Variants in FRMD4B observed in about 807,000 individuals in gnomAD.
FRMD4B encodes the protein FERM domain-containing protein 4B.
FRMD4B carries 74 observed loss-of-function variants against 141.5 expected under a neutral mutation model. That is an observed-to-expected ratio of 0.52 (90% CI 0.43 to 0.63). The LOEUF is 0.63. Ranked by LOEUF, FRMD4B falls within the 30% of genes least tolerant of loss-of-function variation. The pLI, the probability that FRMD4B is intolerant of heterozygous loss-of-function variation, is 0.00. For synonymous variants in FRMD4B, 506 were observed against 467.9 expected (o/e 1.08, Z -1.05); for missense variants, 1,366 against 1,253.4 (o/e 1.09, Z -1.36).
intron 1 of FRMD4B, chr3:69,472,303 T>TC (rs1705906006): frequency 1.6e-5 from 7 of 424,880 alleles, no homozygotes; most frequent in South Asian, 1.4e-4. Context: ...CTCTGCAACT[T>TC]TTTTTTTCTT....
chr3:69,489,976 C>T (rs1327438806), intron 1 of FRMD4B, among the ~76,000 whole-genome samples: 1 of 152,190 alleles, frequency 6.6e-6, no homozygotes, highest in Non-Finnish European at 1.5e-5. Context: ...GTCAGAAAAA[C>T]CACAATCTTA....
intron 2 of FRMD4B, among the ~76,000 whole-genome samples, chr3:69,419,584 A>C (rs56238322): frequency 0.27 from 40,743 of 152,030 alleles, 5,887 homozygotes; most frequent in East Asian, 0.44. Context: ...AGGAGAGCAA[A>C]GCTACCCAAG....
intron 1 of FRMD4B, among the ~76,000 whole-genome samples, chr3:69,461,341 T>A: frequency 6.6e-6 from 1 of 152,050 alleles, no homozygotes; most frequent in African/African-American, 2.4e-5. Flanking sequence ...CCGAGATTGC[T>A]TGAAGCTGGG....
chr3:69,244,332 G>A (rs1249887446), intron 7 of FRMD4B, among the ~76,000 whole-genome samples: 1 of 152,198 alleles, frequency 6.6e-6, no homozygotes, highest in Non-Finnish European at 1.5e-5. Flanking sequence ...CTTCGGAAAT[G>A]CTGAATTCAA....
intron 7 of FRMD4B, among the ~76,000 whole-genome samples, chr3:69,231,438 C>T (rs1288539383): frequency 6.6e-6 from 1 of 152,208 alleles, no homozygotes; most frequent in Non-Finnish European, 1.5e-5. Flanking sequence ...CAGGTATGTG[C>T]TACCACGCCC....
intron 3 of FRMD4B, among the ~76,000 whole-genome samples, chr3:69,303,434 G>A (rs755882797): frequency 2.0e-5 from 3 of 151,820 alleles, no homozygotes; most frequent in East Asian, 1.9e-4. Context: ...AGTATATGGC[G>A]ATTTTAAAAA....
chr3:69,279,025 TTTAAA>T (rs59553897), intron 5 of FRMD4B, among the ~76,000 whole-genome samples: 5,501 of 152,274 alleles, frequency 0.036, 126 homozygotes, highest in East Asian at 0.11. Context: ...ACACATTACC[TTTAAA>T]TTAAACACAA....
At chr3:69,480,943 G>A (rs1041944520) in intron 1 of FRMD4B, among the ~76,000 whole-genome samples, 8 of 152,178 alleles carry the variant, frequency 5.3e-5, no homozygotes, top group East Asian at 1.9e-4. Context: ...CCTCTCTGCC[G>A]CCTTGCAGTT....
intron 1 of FRMD4B, among the ~76,000 whole-genome samples, chr3:69,507,570 T>C (rs548164075): frequency 4.5e-4 from 68 of 152,336 alleles, no homozygotes; most frequent in Non-Finnish European, 6.8e-4. Context: ...CAGTACCATA[T>C]TGATGGATAT....
intron 1 of FRMD4B, among the ~76,000 whole-genome samples, chr3:69,475,584 A>C (rs1705979668): frequency 5.3e-5 from 8 of 151,878 alleles, no homozygotes; most frequent in Admixed American, 5.2e-4. Context: ...TATGTGCCAT[A>C]TTTTCTTAAT....
chr3:69,208,668 T>G (rs573411704), intron 11 of FRMD4B, among the ~76,000 whole-genome samples: 1 of 152,288 alleles, frequency 6.6e-6, no homozygotes, highest in South Asian at 2.1e-4. Context: ...CCTCCCTGCA[T>G]CCCATTACTG....
In FRMD4B at chr3:69,518,104, A is replaced by G. The variant is rs145062899; in HGVS notation, c.-129+24102T>C. Among the ~76,000 whole-genome samples the G allele has an allele frequency of 2.3e-3, 355 of 152,250 alleles. 2 individuals carry two copies. Among genetic ancestry groups the G allele is most frequent in the African/African-American group, 8.1e-3 (336 of 41,548 alleles). ...GCGAACTTAGAATAATTAAAAAGTG[A>G]CCCCTAGCAAATAGGAGACTTTTGG... On this transcript the variant is annotated intron_variant, in intron 1 of 5. Coordinates refer to the FRMD4B transcript ENST00000459638.
chr3:69,269,022 A>C (rs2093582155), intron 5 of FRMD4B, among the ~76,000 whole-genome samples: 1 of 149,438 alleles, frequency 6.7e-6, no homozygotes, highest in South Asian at 2.1e-4. Context: ...TCTGCCTCCC[A>C]GGTTCAAGCA....
Position 69,198,745 on chromosome 3 carries a change from T to A in FRMD4B, c.906A>T (p.Leu302Phe). The change falls in exon 12 of 23, where the codon TTA becomes TTT. Residue 302 changes from leucine (L) to phenylalanine (F), a missense_variant. By Grantham distance (22) the Leu-to-Phe change is conservative. Coordinates refer to ENST00000398540, the MANE Select transcript of FRMD4B (RefSeq NM_015123.3). ...CAGCAAATTTTTTCTCACGGAAATA[T>A]AAGTTCTCCAGCTGTTTCCATTGGA... ...KLFQWKQLEN[L>F]YFREKKFAVE... 4 of 1,562,204 alleles carry A rather than the reference T, an allele frequency of 2.6e-6. No individual in the cohort carries two copies. Among genetic ancestry groups the A allele is most frequent in the African/African-American group, 1.3e-5 (1 of 74,168 alleles).
chr3:69,527,470 C>G (rs1700945538), intron 1 of FRMD4B, among the ~76,000 whole-genome samples: 1 of 152,144 alleles, frequency 6.6e-6, no homozygotes, highest in Non-Finnish European at 1.5e-5. Flanking sequence ...ACAGTCCAGC[C>G]AAAAGCAAAG....
At chr3:69,206,499 C>T (rs918828227) in intron 11 of FRMD4B, among the ~76,000 whole-genome samples, 1 of 152,186 alleles carries the variant, frequency 6.6e-6, no homozygotes, top group Non-Finnish European at 1.5e-5. Context: ...GATGTCATCA[C>T]ACCCAAGTTT....
intron 2 of FRMD4B, among the ~76,000 whole-genome samples, chr3:69,402,845 C>T (rs1463911615): frequency 6.6e-6 from 1 of 152,036 alleles, no homozygotes; most frequent in Admixed American, 6.6e-5. Flanking sequence ...CAAAAAGAAT[C>T]AGGAATCAAT....
At chr3:69,311,475 C>T (rs1036107552) in intron 2 of FRMD4B, 118 bp from the exon 3 acceptor site, 40 of 601,558 alleles carry the variant, frequency 6.6e-5, no homozygotes, top group Non-Finnish European at 1.2e-4. Context: ...TTCTTTATTA[C>T]TTGCCCTTGT....
At chr3:69,305,456 C>G (rs1424494111) in intron 3 of FRMD4B, among the ~76,000 whole-genome samples, 2 of 152,212 alleles carry the variant, frequency 1.3e-5, no homozygotes, top group Non-Finnish European at 2.9e-5. Flanking sequence ...GTCTTACACT[C>G]TATTTCATCA....
Sources: gnomAD v4.1 joint callset for allele counts (sites outside exome capture counted in the v4.1 genomes callset) on GRCh38, gnomAD v4.1.1 for gene constraint, MANE v1.5 for transcripts, NCBI Gene and HGNC (gene_info 2026-07-23, HGNC 2026-07-21) for gene names.